LRRC4B: variants seen among roughly 807,000 people sequenced by gnomAD.
LRRC4B encodes the protein leucine rich repeat containing 4B.
A neutral mutation model predicts 7.3 loss-of-function variants in LRRC4B; 1 was observed. The observed-to-expected ratio is 0.14, with a 90% CI of 0.05 to 0.65. The LOEUF is 0.65. Ranked by LOEUF, LRRC4B falls within the 30% of genes least tolerant of loss-of-function variation. The pLI, the probability that LRRC4B is intolerant of heterozygous loss-of-function variation, is 0.84. For missense variants in LRRC4B, 730 were observed against 1,041.6 expected (o/e 0.70, Z 4.12); for synonymous variants, 500 against 499.2 (o/e 1.00, Z -0.02).
intron 2 of LRRC4B, among the ~76,000 whole-genome samples, chr19:50,533,701 C>A (rs1303988362): frequency 6.6e-6 from 1 of 152,220 alleles, no homozygotes; most frequent in Admixed American, 6.5e-5. Context: ...TTGTTAACTG[C>A]CGATTATTGC....
chr19:50,520,627 C>A (rs1457833389), intron 2 of LRRC4B, among the ~76,000 whole-genome samples: 2 of 129,776 alleles, frequency 1.5e-5, no homozygotes, highest in African/African-American at 5.7e-5. Flanking sequence ...GAGACTCCGT[C>A]TCGAAAAAAA....
intron 1 of LRRC4B, among the ~76,000 whole-genome samples, chr19:50,552,707 T>C (rs572174544): frequency 1.3e-5 from 2 of 148,528 alleles, no homozygotes; most frequent in South Asian, 4.3e-4. Context: ...CATCCGCCCA[T>C]CCGTCCATCC....
chr19:50,543,179 G>A (rs1429272133), intron 2 of LRRC4B, among the ~76,000 whole-genome samples: 1 of 152,224 alleles, frequency 6.6e-6, no homozygotes, highest in Non-Finnish European at 1.5e-5. Context: ...GGCCCTAGGT[G>A]CTGGGGATCC....
chr19:50,546,275 C>T (rs1336637733), intron 2 of LRRC4B, among the ~76,000 whole-genome samples: 1 of 152,084 alleles, frequency 6.6e-6, no homozygotes, highest in African/African-American at 2.4e-5. Flanking sequence ...GTGGAGGTTA[C>T]AATGAGCCAA....
intron 2 of LRRC4B, among the ~76,000 whole-genome samples, chr19:50,529,954 C>A (rs1673040): frequency 1.9e-4 from 28 of 150,144 alleles, no homozygotes; most frequent in South Asian, 1.7e-3. Flanking sequence ...CCTCCCCTCC[C>A]TCCCTTCAGG....
chr19:50,560,022 C>G (rs1455868374), intron 1 of LRRC4B, among the ~76,000 whole-genome samples: 1 of 152,200 alleles, frequency 6.6e-6, no homozygotes, highest in South Asian at 2.1e-4. Flanking sequence ...GTAGTTCCAG[C>G]TACTCGGGAG....
rs200829819 is a variant in LRRC4B at position 50,519,224 on chromosome 19, G to A, written c.489C>T (p.Leu163=). 111 of 1,614,026 alleles carry A rather than the reference G, an allele frequency of 6.9e-5. No individual in the cohort carries two copies. Among genetic ancestry groups the A allele is most frequent in the East Asian group, 4.5e-5 (2 of 44,894 alleles). The change falls in exon 3 of 3, where the codon CTC becomes CTT. Residue 163 remains leucine (L), a synonymous_variant. Transcript: ENST00000652263. The surrounding 1 kb of genome is among the most constrained non-coding windows in gnomAD (Gnocchi z 8.1). ...TCTCGATGGGGTTGTTCCGCAGCCA[G>A]AGCTCCCGCAGCTTGGACAGGTACT... is the stretch of plus-strand genomic sequence containing the variant. The part of the protein sequence containing the change: ...AFEYLSKLRE[L]WLRNNPIESI...
At chr19:50,564,937 C>A (rs1474827576) in intron 1 of LRRC4B, among the ~76,000 whole-genome samples, 1 of 151,614 alleles carries the variant, frequency 6.6e-6, no homozygotes, top group Admixed American at 6.6e-5. Context: ...TCTGCATGGG[C>A]CCTGAGGGTG....
rs372181614 is a variant in LRRC4B at position 50,543,313 on chromosome 19, C to CA, written c.297+5228dup. On this transcript the variant is annotated intron_variant, in intron 2 of 2. Coordinates refer to ENST00000652263, the MANE Select transcript of LRRC4B (RefSeq NM_001080457.2). ...TCCCCAGAATTCAGCCTGCCGCTAC[C>CA]AATGCTCCAGTGCCAGGCCCTGGTG... Among the ~76,000 whole-genome samples, 348 of 148,812 alleles carry CA rather than the reference C, an allele frequency of 2.3e-3. 2 individuals carry two copies. The highest frequency in any genetic ancestry group is 8.4e-3 in the African/African-American group (329 of 39,364).
chr19:50,527,019 AATTTTTGT>A (rs1468369437), intron 2 of LRRC4B, among the ~76,000 whole-genome samples: 1 of 126,606 alleles, frequency 7.9e-6, no homozygotes, highest in Non-Finnish European at 1.7e-5. Context: ...ACGCCCGGCT[AATTTTTGT>A]ATTTTTGTAT....
chr19:50,543,239 G>A lies in LRRC4B; in HGVS notation c.297+5303C>T, dbSNP rs140010501. Among the ~76,000 whole-genome samples the A allele has an allele frequency of 2.6e-3, 389 of 152,254 alleles. 3 individuals carry two copies. Among genetic ancestry groups the A allele is most frequent in the African/African-American group, 8.5e-3 (355 of 41,546 alleles). On this transcript the variant is annotated intron_variant, in intron 2 of 2. Coordinates refer to ENST00000652263, the MANE Select transcript of LRRC4B (RefSeq NM_001080457.2). The stretch of plus-strand genomic sequence containing the variant: ...GCCTTCATGCAGGTGGCAGCGCGGC[G>A]GGGGACAGATGACAACCAAGGCGGC...
chr19:50,538,559 GTTTTTTTTTTTTTT>G (rs71886675), intron 2 of LRRC4B, among the ~76,000 whole-genome samples: 23 of 90,348 alleles, frequency 2.5e-4, no homozygotes, highest in African/African-American at 7.5e-4. Context: ...GTTTTGTCTT[GTTTTTTTTTTTTTT>G]TTTTTTTTTT....
In LRRC4B at chr19:50,519,261, G is replaced by A. The variant is rs1980446359; in HGVS notation, c.452C>T (p.Thr151Met). 1.2e-6 allele frequency: 2 copies of A among 1,614,002 alleles called. No individual in the cohort carries two copies. Among genetic ancestry groups the A allele is most frequent in the African/African-American group, 1.3e-5 (1 of 74,936 alleles). Residue 151 changes from threonine (T) to methionine (M), a missense_variant, in exon 3 of 3, where the codon ACG (threonine) becomes ATG (methionine). By Grantham distance (81) the Thr-to-Met change is moderately conservative (BLOSUM62 -1). Coordinates refer to ENST00000652263, the MANE Select transcript of LRRC4B (RefSeq NM_001080457.2). The surrounding 1 kb of genome is among the most constrained non-coding windows in gnomAD (Gnocchi z 8.1). ...LFDNRLTTVP[T>M]QAFEYLSKLR... ...CTTGGACAGGTACTCGAAGGCCTGCGTGGGCACCGTGGTCAGCCGGTTGTC... is the reference window on the plus strand; with the variant it reads ...CTTGGACAGGTACTCGAAGGCCTGCATGGGCACCGTGGTCAGCCGGTTGTC...
intron 2 of LRRC4B, among the ~76,000 whole-genome samples, chr19:50,542,648 G>C (rs1981602662): frequency 6.6e-6 from 1 of 151,350 alleles, no homozygotes; most frequent in Non-Finnish European, 1.5e-5. Flanking sequence ...GGCTAATTTT[G>C]GTATTTTTAG....
intron 1 of LRRC4B, among the ~76,000 whole-genome samples, chr19:50,551,574 C>G (rs576604099): frequency 1.2e-3 from 164 of 136,298 alleles, no homozygotes; most frequent in African/African-American, 4.2e-3. Flanking sequence ...CGCCTCTGGT[C>G]CCCGTCCACC....
intron 2 of LRRC4B, among the ~76,000 whole-genome samples, chr19:50,524,760 A>G (rs1980726559): frequency 6.6e-6 from 1 of 152,192 alleles, no homozygotes; most frequent in Non-Finnish European, 1.5e-5. Context: ...GAAACCCAAC[A>G]TGTGTTTTAC....
At chr19:50,524,832 GC>G (rs1473441409) in intron 2 of LRRC4B, among the ~76,000 whole-genome samples, 1 of 152,222 alleles carries the variant, frequency 6.6e-6, no homozygotes, top group East Asian at 1.9e-4. Context: ...CCAGCCAGCA[GC>G]CCCGATGCTG....
In LRRC4B at chr19:50,519,204, A is replaced by G; in HGVS notation, c.509T>C (p.Ile170Thr). The G allele has an allele frequency of 6.2e-7, 1 of 1,613,910 alleles. No homozygotes were observed. The highest frequency in any genetic ancestry group is 8.5e-7 in the Non-Finnish European group (1 of 1,179,998). The change falls in exon 3 of 3, where the codon ATC becomes ACC. Residue 170 changes from isoleucine to threonine, a missense_variant. By Grantham distance (89) the Ile-to-Thr change is moderately conservative (BLOSUM62 -1). Around this residue, in one of 6 missense-constraint regions of LRRC4B, gnomAD observed 226 missense variants for 448.0 expected, o/e 0.50. Transcript: ENST00000652263. The surrounding 1 kb of genome is among the most constrained non-coding windows in gnomAD (Gnocchi z 8.1). Reference protein sequence around the residue: ...LRELWLRNNPIESIPSYAFNR... With the variant: ...LRELWLRNNPTESIPSYAFNR... Reference sequence around the variant, plus strand: ...GAAGGCGTAGGAGGGGATGCTCTCGATGGGGTTGTTCCGCAGCCAGAGCTC... The same window carrying G: ...GAAGGCGTAGGAGGGGATGCTCTCGGTGGGGTTGTTCCGCAGCCAGAGCTC...
chr19:50,523,813 G>A (rs1389951966), intron 2 of LRRC4B, among the ~76,000 whole-genome samples: 1 of 151,642 alleles, frequency 6.6e-6, no homozygotes, highest in Non-Finnish European at 1.5e-5. Context: ...CAAAAAATTA[G>A]TCAGGCATGG....
Sources: gnomAD v4.1 joint callset for allele counts (sites outside exome capture counted in the v4.1 genomes callset) on GRCh38, gnomAD v4.1.1 for gene constraint, gnomAD v4.1.1 regional missense constraint, Gnocchi (gnomAD v3.1) non-coding constraint, MANE v1.5 for transcripts, NCBI Gene and HGNC (gene_info 2026-07-23, HGNC 2026-07-21) for gene names.